Variants in ADAM12 observed in about 807,000 individuals in gnomAD.
The protein encoded by ADAM12 is ADAM metallopeptidase domain 12.
ADAM12 carries 70 observed loss-of-function variants against 106.4 expected under a neutral mutation model. The ratio of observed to expected loss-of-function variants is 0.66; its 90% CI spans 0.54 to 0.80. The LOEUF is 0.80. Among genes scored for constraint, ADAM12 ranks in the 30% least tolerant of loss-of-function variants. The pLI is 0.00. For missense variants in ADAM12, 1,010 were observed against 1,171.9 expected, an observed-to-expected ratio of 0.86 and a Z score of 2.02; for synonymous variants, 420 against 433.5, an observed-to-expected ratio of 0.97 and a Z score of 0.39.
At chr10:126,264,222 T>C (rs568411810) in intron 3 of ADAM12, among the ~76,000 whole-genome samples, 113 of 152,332 alleles carry the variant, frequency 7.4e-4, no homozygotes, top group African/African-American at 2.7e-3. Flanking sequence ...ATTTGCTTAA[T>C]GGGTGCTGGC....
chr10:126,029,057 ATC>A (rs1953929470), intron 21 of ADAM12, among the ~76,000 whole-genome samples: 1 of 152,218 alleles, frequency 6.6e-6, no homozygotes, highest in Non-Finnish European at 1.5e-5. Flanking sequence ...ATGAGCTACC[ATC>A]TCATGCCAGT....
chr10:126,227,229 T>C (rs560195813), intron 3 of ADAM12, among the ~76,000 whole-genome samples: 19 of 152,102 alleles, frequency 1.2e-4, no homozygotes, highest in East Asian at 1.9e-4. Flanking sequence ...TGCCCACCAC[T>C]ATTACCATGA....
In ADAM12 at chr10:126,185,768, C is replaced by T. The variant is rs1485083550; in HGVS notation, c.261-30463G>A. On this transcript the variant is annotated intron_variant, in intron 3 of 22. Coordinates refer to ENST00000448723, the MANE Select transcript of ADAM12 (RefSeq NM_001288973.2). The stretch of plus-strand genomic sequence containing the variant: ...TGGAGCTACACCGGCCTGGGCAGCC[C>T]AATGCAAGCAATAATTTTACCATCA... Among the ~76,000 whole-genome samples the T allele has an allele frequency of 3.3e-5, 5 of 151,926 alleles. No homozygotes were observed. The East Asian group carries it at 9.7e-4, about 29-fold the overall frequency.
At chr10:126,082,871 A>G (rs181997930) in intron 11 of ADAM12, among the ~76,000 whole-genome samples, 1 of 152,312 alleles carries the variant, frequency 6.6e-6, no homozygotes, top group African/African-American at 2.4e-5. Flanking sequence ...TGGGGAATGG[A>G]CATTGCTTGG....
Position 126,038,287 on chromosome 10 carries a change from A to G in ADAM12, c.2303T>C (p.Leu768Pro), listed in dbSNP as rs1237830804. 4.3e-6 allele frequency: 7 copies of G among 1,612,122 alleles called. No homozygotes were observed. Among genetic ancestry groups the G allele is most frequent in the African/African-American group, 2.7e-5 (2 of 74,898 alleles). The change falls in exon 20 of 23, where the codon CTT (leucine) becomes CCT (proline). Residue 768 changes from leucine to proline, a missense_variant. Leu to Pro is a moderately conservative substitution (Grantham distance 98, BLOSUM62 -3). Around this residue, in one of 3 missense-constraint regions of ADAM12, gnomAD observed 615 missense variants for 708.5 expected, o/e 0.87. Coordinates refer to ENST00000448723, the MANE Select transcript of ADAM12 (RefSeq NM_001288973.2). ...CGGCTTCCTCATCAGGCCTTTTCCA[A>G]GGTGGCCGAGGTGAGCCTGACAGGG... ...FQPCQAHLGH[L>P]GKGLMRKPPD...
chr10:126,283,178 G>A (rs146735300), intron 2 of ADAM12, among the ~76,000 whole-genome samples: 4 of 152,204 alleles, frequency 2.6e-5, no homozygotes, highest in Admixed American at 6.5e-5. Flanking sequence ...GACGGGAGGC[G>A]GAACTCAGGC....
chr10:126,215,237 G>C (rs1331930425), intron 3 of ADAM12, among the ~76,000 whole-genome samples: 1 of 152,170 alleles, frequency 6.6e-6, no homozygotes, highest in Non-Finnish European at 1.5e-5. Context: ...TTCCCTTTCT[G>C]GCATGCAGGG....
At chr10:126,354,490 CTGAG>C (rs1175450458) in intron 1 of ADAM12, among the ~76,000 whole-genome samples, 3 of 152,006 alleles carry the variant, frequency 2.0e-5, no homozygotes, top group Admixed American at 6.6e-5. Context: ...AACCACAGGA[CTGAG>C]TGAGTTTCTA....
chr10:126,260,374 G>A (rs1296954550), intron 3 of ADAM12, among the ~76,000 whole-genome samples: 1 of 152,198 alleles, frequency 6.6e-6, no homozygotes, highest in African/African-American at 2.4e-5. Flanking sequence ...GAAAGCTGTT[G>A]AGCCAGCCCC....
intron 12 of ADAM12, 34 bp downstream of exon 12, chr10:126,071,443 C>T: frequency 6.2e-7 from 1 of 1,605,100 alleles, no homozygotes; most frequent in Non-Finnish European, 8.5e-7. Context: ...GGATACAAGT[C>T]TTCTTGTATC....
intron 17 of ADAM12, among the ~76,000 whole-genome samples, chr10:126,044,728 C>T (rs1037805): frequency 0.25 from 38,022 of 152,028 alleles, 5,683 homozygotes; most frequent in East Asian, 0.54. Context: ...ATAAGAAGGC[C>T]GACTGTCAAG....
chr10:126,116,521 G>C (rs983740816), intron 6 of ADAM12, among the ~76,000 whole-genome samples: 1 of 152,004 alleles, frequency 6.6e-6, no homozygotes, highest in Non-Finnish European at 1.5e-5. Flanking sequence ...TAGAGGTTGG[G>C]GGGGTAATTT....
At chr10:126,270,311 T>C (rs1959169308) in intron 3 of ADAM12, among the ~76,000 whole-genome samples, 1 of 152,158 alleles carries the variant, frequency 6.6e-6, no homozygotes, top group African/African-American at 2.4e-5. Context: ...GGTCACTCCC[T>C]GTAGGAAAGA....
intron 1 of ADAM12, among the ~76,000 whole-genome samples, chr10:126,369,830 C>A (rs1856048432): frequency 6.6e-6 from 1 of 152,104 alleles, no homozygotes; most frequent in African/African-American, 2.4e-5. Flanking sequence ...TCATATGTAA[C>A]CCTGGTAGGG....
chr10:126,134,052 A>G (rs542344940), intron 5 of ADAM12, among the ~76,000 whole-genome samples: 1 of 152,272 alleles, frequency 6.6e-6, no homozygotes, highest in Non-Finnish European at 1.5e-5. Context: ...GTGCCCCCAG[A>G]ACCTAGAACA....
intron 2 of ADAM12, among the ~76,000 whole-genome samples, chr10:126,321,902 G>GGT (rs200520308): frequency 4.6e-4 from 59 of 128,914 alleles, no homozygotes; most frequent in African/African-American, 1.5e-3. Context: ...TCTACCTGGG[G>GGT]GTCGGGGGGG....
intron 12 of ADAM12, among the ~76,000 whole-genome samples, chr10:126,070,001 T>C (rs1036860317): frequency 6.6e-6 from 1 of 152,202 alleles, no homozygotes; most frequent in Non-Finnish European, 1.5e-5. Flanking sequence ...CTGTCAAATT[T>C]ATTTAGATGA....
chr10:126,334,223 T>A (rs1590794101), intron 1 of ADAM12, among the ~76,000 whole-genome samples: 1 of 152,334 alleles, frequency 6.6e-6, no homozygotes, highest in South Asian at 2.1e-4. Context: ...ATGGATACAT[T>A]CAAGCCTGAG....
intron 3 of ADAM12, among the ~76,000 whole-genome samples, chr10:126,254,860 T>G (rs1958859130): frequency 6.6e-6 from 1 of 152,184 alleles, no homozygotes; most frequent in African/African-American, 2.4e-5. Context: ...GGAACTGTCA[T>G]TAGAACCATT....
Sources: gnomAD v4.1 joint callset for allele counts (sites outside exome capture counted in the v4.1 genomes callset) on GRCh38, gnomAD v4.1.1 for gene constraint, gnomAD v4.1.1 regional missense constraint, MANE v1.5 for transcripts, NCBI Gene and HGNC (gene_info 2026-07-23, HGNC 2026-07-21) for gene names.